OGG1: variants seen among roughly 807,000 people sequenced by gnomAD.
OGG1 encodes N-glycosylase/DNA lyase.
OGG1 carries 35 observed loss-of-function variants against 42.3 expected under a neutral mutation model. The observed-to-expected ratio is 0.83, with a 90% CI of 0.63 to 1.10. OGG1 has a LOEUF of 1.10. OGG1 is among the 50% of genes least tolerant of loss of function. OGG1 has a pLI of 0.00. For synonymous variants in OGG1, 189 were observed against 179.0 expected (o/e 1.06, Z -0.44); for missense variants, 484 against 446.7 (o/e 1.08, Z -0.75).
exon 8 of OGG1, chr3:9,766,159 T>A: frequency 1.0e-6 from 1 of 955,134 alleles, no homozygotes; most frequent in Non-Finnish European, 1.6e-6. Context: ...GTTGAGCTGG[T>A]AGGATGTAAG....
At chr3:9,776,906 G>T (rs2078372777) in intron 2 of OGG1, among the ~76,000 whole-genome samples, 1 of 152,214 alleles carries the variant, frequency 6.6e-6, no homozygotes, top group African/African-American at 2.4e-5. Context: ...GGAGTTTATT[G>T]ATACCTAAAC....
chr3:9,754,640 C>G, intron 3 of OGG1, 64 bp from the exon 4 acceptor site: 1 of 1,568,090 alleles, frequency 6.4e-7, no homozygotes, highest in East Asian at 2.3e-5. Context: ...AGCTCACTTA[C>G]TAGCCTAAGG....
At chr3:9,775,652 T>C (rs1365544509) in intron 2 of OGG1, among the ~76,000 whole-genome samples, 1 of 152,112 alleles carries the variant, frequency 6.6e-6, no homozygotes, top group Non-Finnish European at 1.5e-5. Context: ...AGGTTTTTTT[T>C]TTTTTTTGAG....
At chr3:9,766,035 C>T in exon 8 of OGG1, 9 of 1,609,500 alleles carry the variant, frequency 5.6e-6, no homozygotes, top group Non-Finnish European at 6.8e-6. Flanking sequence ...TCCCCTGGCT[C>T]CAGAGATGGT....
intron 4 of OGG1, among the ~76,000 whole-genome samples, chr3:9,755,506 C>T (rs1174751167): frequency 1.3e-5 from 2 of 150,202 alleles, no homozygotes; most frequent in African/African-American, 4.9e-5. Flanking sequence ...GCTTTGTTGC[C>T]AGGCTGGAGT....
At chr3:9,785,101 G>A (rs142298930) in intron 3 of OGG1, among the ~76,000 whole-genome samples, 2 of 152,108 alleles carry the variant, frequency 1.3e-5, no homozygotes, top group Non-Finnish European at 2.9e-5. Flanking sequence ...CAGGACATTT[G>A]GGTTATTTAT....
chr3:9,753,309 A>C (rs1229408736), intron 3 of OGG1, among the ~76,000 whole-genome samples: 1 of 144,464 alleles, frequency 6.9e-6, no homozygotes, highest in Non-Finnish European at 1.5e-5. Flanking sequence ...ATGCCATTGC[A>C]CTCCAGCCTG....
chr3:9,780,619 C>G, intron 2 of OGG1: 1 of 1,473,270 alleles, frequency 6.8e-7, no homozygotes, highest in Non-Finnish European at 9.1e-7. Context: ...CTCTTCAAGA[C>G]CGAGCCTACC....
At chr3:9,760,971 A>G, downstream of OGG1, 2 of 706,180 alleles carry the variant, frequency 2.8e-6, no homozygotes. Flanking sequence ...TGCCCTCCTC[A>G]GGGCCTTTGC....
chr3:9,756,640 A>G lies in OGG1; in HGVS notation c.898+19A>G. 6.2e-7 allele frequency: 1 copy of G among 1,612,384 alleles called. No individual in the cohort carries two copies. Among genetic ancestry groups the G allele is most frequent in the Non-Finnish European group, 8.5e-7 (1 of 1,178,476 alleles). On this transcript the variant is annotated intron_variant, in intron 5 of 6. Coordinates refer to ENST00000344629, the MANE Select transcript of OGG1 (RefSeq NM_002542.6). Reference sequence around the variant, plus strand: ...GAACTGGGTGAGGAAAGTGGGCTGCAGGGGCTGGCAGTGGGCTGGGATGGT... The same window carrying G: ...GAACTGGGTGAGGAAAGTGGGCTGCGGGGGCTGGCAGTGGGCTGGGATGGT...
chr3:9,759,156 T>C, downstream of OGG1: 10 of 1,526,532 alleles, frequency 6.6e-6, no homozygotes, highest in Non-Finnish European at 9.1e-6. Flanking sequence ...ATTATTCCGC[T>C]ATGCCTCACT....
At chr3:9,764,264 TACTC>T (rs1319111881) in intron 7 of OGG1, among the ~76,000 whole-genome samples, 5 of 152,224 alleles carry the variant, frequency 3.3e-5, no homozygotes, top group South Asian at 2.1e-4. Flanking sequence ...ACACGGTAAA[TACTC>T]ATAAGTGAAA....
At chr3:9,789,641 G>T (rs1298100538), downstream of OGG1, 1 of 1,612,610 alleles carries the variant, frequency 6.2e-7, no homozygotes, top group South Asian at 1.1e-5. Context: ...ATCCTGAGTG[G>T]GCGCCCCTGC....
intron 2 of OGG1, chr3:9,780,628 C>T (rs1261878966): frequency 1.4e-6 from 2 of 1,432,418 alleles, no homozygotes; most frequent in Admixed American, 2.3e-5. Context: ...ACCGAGCCTA[C>T]CCACCAGCCC....
At chr3:9,765,892 T>C (rs1245554802) in exon 8 of OGG1, 1 of 1,613,626 alleles carries the variant, frequency 6.2e-7, no homozygotes, top group African/African-American at 1.3e-5. Context: ...AAGGCCCCCC[T>C]ATCGGGAGAG....
chr3:9,763,930 G>A (rs1559701189), intron 7 of OGG1, among the ~76,000 whole-genome samples: 1 of 152,174 alleles, frequency 6.6e-6, no homozygotes, highest in Non-Finnish European at 1.5e-5. Flanking sequence ...AGGTTGCAGT[G>A]AGTCGAGATC....
rs1286772034 is a variant in OGG1, at chr3:9,757,170, G to A, written c.*20G>A. The A allele has an allele frequency of 6.2e-7, 1 of 1,613,972 alleles. No individual in the cohort carries two copies. On this transcript the variant is annotated 3_prime_UTR_variant, in exon 7 of 7. Transcript: ENST00000344629. This position sits in a 1 kb window ranked among gnomAD's most constrained non-coding sequence, Gnocchi z 4.5. The stretch of plus-strand genomic sequence containing the variant: ...GGCTAGATGGGGCACCCTGGACAAA[G>A]AAATTCCCCAAGCACCTTCCCCTCC...
At chr3:9,761,554 C>T (rs754764605), downstream of OGG1, 25 of 1,612,962 alleles carry the variant, frequency 1.5e-5, no homozygotes, top group Middle Eastern at 1.7e-4. Flanking sequence ...GGGAAGAGGA[C>T]GTGGTGGTGA....
chr3:9,785,626 G>A (rs1358815173), intron 3 of OGG1, among the ~76,000 whole-genome samples: 1 of 152,180 alleles, frequency 6.6e-6, no homozygotes, highest in African/African-American at 2.4e-5. Context: ...CTGATGTGAA[G>A]AAAAAGGAAC....
Sources: allele counts gnomAD v4.1 joint callset (sites outside exome capture counted in the v4.1 genomes callset), GRCh38; gene constraint gnomAD v4.1.1; non-coding constraint Gnocchi (gnomAD v3.1); transcripts MANE v1.5; gene names NCBI Gene and HGNC (gene_info 2026-07-23, HGNC 2026-07-21).